The following KIF11 variants were observed in gnomAD, a reference collection of about 807,000 sequenced individuals.
The protein encoded by KIF11 is kinesin-like protein KIF11.
KIF11 carries 9 observed loss-of-function variants against 121.0 expected under a neutral mutation model. The observed-to-expected ratio is 0.07, with a 90% CI of 0.04 to 0.13. The LOEUF (loss-of-function observed/expected upper bound fraction) is 0.13. Among genes scored for constraint, KIF11 ranks in the 10% least tolerant of loss-of-function variants. The pLI, the probability that KIF11 is intolerant of heterozygous loss-of-function variation, is 1.00. For synonymous variants in KIF11, 408 were observed against 421.0 expected (o/e 0.97, Z 0.38); for missense variants, 846 against 1,217.5 (o/e 0.69, Z 4.54).
intron 1 of KIF11, among the ~76,000 whole-genome samples, chr10:92,597,520 C>T (rs1480400625): frequency 6.6e-6 from 1 of 152,086 alleles, no homozygotes; most frequent in African/African-American, 2.4e-5. Flanking sequence ...CCATTTTGGC[C>T]TCCCAAAGTG....
intron 17 of KIF11, among the ~76,000 whole-genome samples, chr10:92,640,522 T>G (rs1419014805): frequency 1.3e-5 from 2 of 152,122 alleles, no homozygotes; most frequent in Non-Finnish European, 2.9e-5. Flanking sequence ...AGCTCCGCCT[T>G]CCAGGCTCAC....
chr10:92,611,306 G>C (rs1338674815), intron 6 of KIF11, among the ~76,000 whole-genome samples: 1 of 151,800 alleles, frequency 6.6e-6, no homozygotes, highest in Non-Finnish European at 1.5e-5. Context: ...TCTGCCTCCC[G>C]GGTTCACGCC....
Position 92,650,529 on chromosome 10 carries a change from C to CA in KIF11, c.3039+13dup, listed in dbSNP as rs1226942293. On this transcript the variant is annotated intron_variant, in intron 21 of 21. Coordinates refer to ENST00000260731, the MANE Select transcript of KIF11 (RefSeq NM_004523.4). ...TTCCATTTTTCCAGGTATGTCATAT[C>CA]AGATAACCCTTCCACATCTGATGTA... 1.5e-6 allele frequency: 2 copies of CA among 1,358,278 alleles called. No individual in the cohort carries two copies. Among genetic ancestry groups the CA allele is most frequent in the Non-Finnish European group, 2.1e-6 (2 of 946,944 alleles). 84.1% of individuals were successfully genotyped at this position (1,358,278 alleles called of 1,614,324 possible).
At chr10:92,646,542 G>T (rs1420579903) in intron 18 of KIF11, among the ~76,000 whole-genome samples, 1 of 152,086 alleles carries the variant, frequency 6.6e-6, no homozygotes, top group African/African-American at 2.4e-5. Flanking sequence ...ATTTGTGATA[G>T]GAAATGTATA....
intron 10 of KIF11, among the ~76,000 whole-genome samples, chr10:92,625,807 A>C (rs374190183): frequency 2.2e-4 from 34 of 152,314 alleles, no homozygotes; most frequent in African/African-American, 8.2e-4. Context: ...GTGCCAAACA[A>C]GAATGCAATT....
At chr10:92,615,505 A>G (rs1844545198) in intron 8 of KIF11, among the ~76,000 whole-genome samples, 1 of 152,176 alleles carries the variant, frequency 6.6e-6, no homozygotes, top group Non-Finnish European at 1.5e-5. Flanking sequence ...TCACTGATTT[A>G]AAGTATATTA....
At chr10:92,640,657 C>G (rs951498995) in intron 17 of KIF11, among the ~76,000 whole-genome samples, 1 of 152,010 alleles carries the variant, frequency 6.6e-6, no homozygotes, top group Non-Finnish European at 1.5e-5. Context: ...GTCTCGATCT[C>G]CTGACCTCGT....
chr10:92,613,183 G>T lies in KIF11; in HGVS notation c.789+53G>T. 1 of 1,405,100 alleles carries T rather than the reference G, an allele frequency of 7.1e-7. No individual in the cohort carries two copies. Among genetic ancestry groups the T allele is most frequent in the Non-Finnish European group, 9.9e-7 (1 of 1,014,862 alleles). The allele number at this position is 1,405,100 out of a possible 1,614,324, so 87.0% of individuals were successfully genotyped here. A position where few individuals can be genotyped will look rare whatever the true frequency, so the allele number is the denominator to read the frequency against. On this transcript the variant is annotated intron_variant, in intron 7 of 21. Coordinates refer to ENST00000260731, the MANE Select transcript of KIF11 (RefSeq NM_004523.4). The surrounding 1 kb of genome is among the most constrained non-coding windows in gnomAD (Gnocchi z 4.2). ...TCACTCTTAAACACCTTATAGAGCA[G>T]CTTGAAATTTTGTCCTTGAGACAAA...
chr10:92,619,869 T>C (rs1248680785), intron 9 of KIF11, among the ~76,000 whole-genome samples: 3 of 151,116 alleles, frequency 2.0e-5, no homozygotes, highest in African/African-American at 7.3e-5. Flanking sequence ...ATAATTTATT[T>C]GGGGAAATAT....
Position 92,653,859 on chromosome 10 carries a change from G to A in KIF11, c.*63G>A. On this transcript the variant is annotated 3_prime_UTR_variant, in exon 22 of 22. Transcript: ENST00000260731. ...CTTAAAAATAAAACCTGAAACCCCA[G>A]AACTTGAGCCTTGTGTATAGATTTT... 3 of 1,432,192 alleles carry A rather than the reference G, an allele frequency of 2.1e-6. No homozygotes were observed. The highest frequency in any genetic ancestry group is 2.9e-6 in the Non-Finnish European group (3 of 1,035,434). The allele number at this position is 1,432,192 out of a possible 1,614,324, so 88.7% of individuals were successfully genotyped here. A position where few individuals can be genotyped will look rare whatever the true frequency, so the allele number is the denominator to read the frequency against.
Position 92,607,310 on chromosome 10 carries a change from C to T in KIF11, c.387+73C>T. On this transcript the variant is annotated intron_variant, in intron 4 of 21. Coordinates refer to ENST00000260731, the MANE Select transcript of KIF11 (RefSeq NM_004523.4). ...TAACTGTATAAAACTTGTTTGAGGG[C>T]CTCTGTCTTGGAATAGAGATCAGAG... is the stretch of plus-strand genomic sequence containing the variant. 3 of 858,834 alleles carry T rather than the reference C, an allele frequency of 3.5e-6. No homozygotes were observed. In the South Asian group the frequency reaches 4.5e-5, roughly 13 times the overall value. 53.2% of individuals were successfully genotyped at this position (858,834 alleles called of 1,614,324 possible).
At chr10:92,600,854 C>T (rs1844361221) in intron 1 of KIF11, among the ~76,000 whole-genome samples, 1 of 151,704 alleles carries the variant, frequency 6.6e-6, no homozygotes, top group South Asian at 2.1e-4. Flanking sequence ...TTACTTTTTC[C>T]TTTTCTTTCT....
chr10:92,598,953 T>C (rs1261707540), intron 1 of KIF11, among the ~76,000 whole-genome samples: 1 of 152,086 alleles, frequency 6.6e-6, no homozygotes, highest in Non-Finnish European at 1.5e-5. Flanking sequence ...AATTTTTGTA[T>C]TTTTACTAGA....
chr10:92,616,622 A>C, intron 8 of KIF11, 115 bp from the exon 9 acceptor site: 1 of 539,582 alleles, frequency 1.9e-6, no homozygotes, highest in East Asian at 3.3e-5. Flanking sequence ...TAGATTTTAA[A>C]ATTAGATATA....
At chr10:92,606,117 G>A (rs1257453200) in intron 1 of KIF11, 148 bp from the exon 2 acceptor site, 2 of 555,522 alleles carry the variant, frequency 3.6e-6, no homozygotes, top group African/African-American at 3.8e-5. Flanking sequence ...GTCTGCTTTA[G>A]CAATATCACT....
chr10:92,622,285 AAAT>A (rs1415375104), intron 10 of KIF11, among the ~76,000 whole-genome samples: 1 of 151,662 alleles, frequency 6.6e-6, no homozygotes, highest in East Asian at 1.9e-4. Context: ...AAAAATAAGT[AAAT>A]AAAATAATAG....
chr10:92,624,735 G>A (rs1349456063), intron 10 of KIF11, among the ~76,000 whole-genome samples: 1 of 148,642 alleles, frequency 6.7e-6, no homozygotes, highest in Non-Finnish European at 1.5e-5. Flanking sequence ...CCCAGTAATG[G>A]GATTGCTGGC....
intron 10 of KIF11, among the ~76,000 whole-genome samples, chr10:92,628,526 A>C (rs1844702195): frequency 6.6e-6 from 1 of 152,160 alleles, no homozygotes; most frequent in Admixed American, 6.5e-5. Flanking sequence ...TCAAATCTGG[A>C]ACACACATGC....
At chr10:92,611,810 A>C (rs1437400145) in intron 6 of KIF11, among the ~76,000 whole-genome samples, 4 of 152,124 alleles carry the variant, frequency 2.6e-5, no homozygotes, top group Non-Finnish European at 4.4e-5. Context: ...GAGGCAGGAG[A>C]ACTGCTTGAA....
Sources: gnomAD v4.1 joint callset for allele counts (sites outside exome capture counted in the v4.1 genomes callset) on GRCh38, gnomAD v4.1.1 for gene constraint, Gnocchi (gnomAD v3.1) non-coding constraint, MANE v1.5 for transcripts, NCBI Gene and HGNC (gene_info 2026-07-23, HGNC 2026-07-21) for gene names.